SLC22A15: variants seen among roughly 807,000 people sequenced by gnomAD.
The protein encoded by SLC22A15 is flipt 1.
A neutral mutation model predicts 62.7 loss-of-function variants in SLC22A15; 45 were observed. The observed-to-expected ratio is 0.72, with a 90% CI of 0.56 to 0.92. The LOEUF (loss-of-function observed/expected upper bound fraction) is 0.92. Among genes scored for constraint, SLC22A15 ranks in the 40% least tolerant of loss-of-function variants. SLC22A15 has a pLI of 0.00. For synonymous variants in SLC22A15, 264 were observed against 267.0 expected (o/e 0.99, Z 0.11); for missense variants, 622 against 665.6 (o/e 0.93, Z 0.72).
intron 8 of SLC22A15, among the ~76,000 whole-genome samples, chr1:116,053,742 C>A (rs952031309): frequency 6.6e-6 from 1 of 151,894 alleles, no homozygotes; most frequent in Non-Finnish European, 1.5e-5. Flanking sequence ...AGAGTGGGGG[C>A]GAATATTCAA....
intron 2 of SLC22A15, among the ~76,000 whole-genome samples, chr1:116,004,748 G>C (rs1446290859): frequency 2.6e-5 from 4 of 152,144 alleles, no homozygotes. Context: ...ATTGTGTAGA[G>C]TTGGTATTAA....
rs776977122 is a variant in SLC22A15, at chr1:116,027,028, T to C, written c.728+6T>C. On this transcript the variant is annotated splice_donor_region_variant and intron_variant, in intron 5 of 11. Coordinates refer to ENST00000369503, the MANE Select transcript of SLC22A15 (RefSeq NM_018420.3). ...GTGGTCTTTCTCTTATCTTTGTAAG[T>C]AGTTTTTCCTCTTAGAGTTTTAATT... 5.6e-6 allele frequency: 9 copies of C among 1,612,022 alleles called. No individual in the cohort carries two copies. The highest frequency in any genetic ancestry group is 1.7e-5 in the Admixed American group (1 of 59,634).
chr1:115,998,473 A>G (rs1655535560), intron 2 of SLC22A15, among the ~76,000 whole-genome samples: 1 of 152,054 alleles, frequency 6.6e-6, no homozygotes, highest in South Asian at 2.1e-4. Context: ...GTTACTTGTT[A>G]TTGATCTATT....
At chr1:116,051,342 C>G (rs1299797729) in intron 8 of SLC22A15, among the ~76,000 whole-genome samples, 4 of 152,138 alleles carry the variant, frequency 2.6e-5, no homozygotes, top group African/African-American at 9.7e-5. Flanking sequence ...ACCAAAACAG[C>G]ATGATAGTGG....
intron 2 of SLC22A15, among the ~76,000 whole-genome samples, chr1:115,995,553 A>G (rs1460975833): frequency 6.6e-6 from 1 of 152,140 alleles, no homozygotes; most frequent in Non-Finnish European, 1.5e-5. Flanking sequence ...GCCCAGCCCA[A>G]AATGGTTATT....
intron 1 of SLC22A15, among the ~76,000 whole-genome samples, chr1:115,977,646 A>G (rs557680809): frequency 4.6e-5 from 7 of 152,330 alleles, no homozygotes; most frequent in African/African-American, 1.4e-4. Context: ...TAGGGATGCC[A>G]TGGTGGACAA....
chr1:116,032,775 C>A, intron 6 of SLC22A15: 1 of 351,754 alleles, frequency 2.8e-6, no homozygotes, highest in Non-Finnish European at 4.0e-6. Flanking sequence ...TGAGGTTCTA[C>A]CCATTCAAAA....
intron 2 of SLC22A15, among the ~76,000 whole-genome samples, chr1:116,019,167 A>C (rs180751176): frequency 6.6e-6 from 1 of 152,324 alleles, no homozygotes. Context: ...TTAAACCCAT[A>C]AGCCAATTGG....
chr1:116,058,847 A>G (rs889880335), intron 8 of SLC22A15, among the ~76,000 whole-genome samples: 3 of 152,204 alleles, frequency 2.0e-5, no homozygotes, highest in Non-Finnish European at 2.9e-5. Context: ...TATTATTCTA[A>G]GTGAAGTAAC....
chr1:116,021,484 C>T (rs918921738), intron 4 of SLC22A15, among the ~76,000 whole-genome samples: 4 of 152,176 alleles, frequency 2.6e-5, no homozygotes, highest in Non-Finnish European at 5.9e-5. Flanking sequence ...GTAACTGTGT[C>T]TAAGACTTTA....
chr1:116,001,247 C>CT (rs1278132645), intron 2 of SLC22A15, among the ~76,000 whole-genome samples: 1 of 151,704 alleles, frequency 6.6e-6, no homozygotes, highest in African/African-American at 2.4e-5. Flanking sequence ...TCTCTTGCTG[C>CT]TTTTAGAACC....
intron 1 of SLC22A15, 45 bp downstream of exon 1, chr1:115,976,759 G>A: frequency 6.9e-7 from 1 of 1,456,964 alleles, no homozygotes; most frequent in Non-Finnish European, 9.4e-7. Flanking sequence ...CTTCAGGGCC[G>A]CCCGGCGCAG....
At chr1:116,032,475 A>G in intron 6 of SLC22A15, 6 of 985,414 alleles carry the variant, frequency 6.1e-6, no homozygotes, top group Non-Finnish European at 7.2e-6. Context: ...GGATAAAGGA[A>G]AGTGATTTTA....
chr1:116,067,325 T>C lies in SLC22A15; in HGVS notation c.*217T>C. The stretch of plus-strand genomic sequence containing the variant: ...TGCATTGAGAGAATAGTTGTTAATT[T>C]GTTTAGAATTTAAGTTCTACTCAGA... On this transcript the variant is annotated 3_prime_UTR_variant, in exon 12 of 12. Transcript: ENST00000369503. 1 of 518,008 alleles carries C rather than the reference T, an allele frequency of 1.9e-6. No homozygotes were observed. Among genetic ancestry groups the C allele is most frequent in the South Asian group, 2.9e-5 (1 of 34,048 alleles). The allele number at this position is 518,008 out of a possible 1,614,324, so 32.1% of individuals were successfully genotyped here.
rs568283708 is a variant in SLC22A15 at position 116,010,000 on chromosome 1, T to C, written c.301-9582T>C. On this transcript the variant is annotated intron_variant, in intron 2 of 11. Coordinates refer to ENST00000369503, the MANE Select transcript of SLC22A15 (RefSeq NM_018420.3). ...GGGTCAGGCCTTGCAGAAGTTTCTT[T>C]AGAAGAGTTTTTGGGAAGGGCAAAT... 2.6e-5 allele frequency among the ~76,000 whole-genome samples: 4 copies of C among 152,302 alleles called. No homozygotes were observed. In the South Asian group the frequency reaches 8.3e-4, roughly 32 times the overall value.
chr1:115,982,591 C>T, intron 1 of SLC22A15, among the ~76,000 whole-genome samples: 1 of 152,096 alleles, frequency 6.6e-6, no homozygotes, highest in East Asian at 1.9e-4. Flanking sequence ...GTTATGCTTC[C>T]TCTTTTTCAA....
chr1:115,980,485 C>T (rs376313366), intron 1 of SLC22A15, among the ~76,000 whole-genome samples: 18 of 151,942 alleles, frequency 1.2e-4, no homozygotes, highest in African/African-American at 9.7e-5. Flanking sequence ...TAGAATACAA[C>T]GTCTGAAATA....
intron 2 of SLC22A15, among the ~76,000 whole-genome samples, chr1:115,999,199 G>T (rs978488123): frequency 3.9e-5 from 6 of 152,134 alleles, no homozygotes; most frequent in African/African-American, 1.2e-4. Flanking sequence ...CTAACATGTG[G>T]TCTATCTTTC....
intron 2 of SLC22A15, among the ~76,000 whole-genome samples, chr1:115,995,943 A>G (rs188586089): frequency 6.6e-6 from 1 of 152,324 alleles, no homozygotes; most frequent in African/African-American, 2.4e-5. Context: ...CCATAGTATA[A>G]TATCATAACT....
Sources: allele counts gnomAD v4.1 joint callset (sites outside exome capture counted in the v4.1 genomes callset), GRCh38; gene constraint gnomAD v4.1.1; transcripts MANE v1.5; gene names NCBI Gene and HGNC (gene_info 2026-07-23, HGNC 2026-07-21).